CCDC88A: variants seen among roughly 807,000 people sequenced by gnomAD.
The protein encoded by CCDC88A is coiled-coil and HOOK domain protein 88A.
Under a neutral mutation model 234.3 loss-of-function variants are expected in CCDC88A, and 54 were observed. That is an observed-to-expected ratio of 0.23 (90% CI 0.19 to 0.29). The LOEUF (loss-of-function observed/expected upper bound fraction) is 0.29. Ranked by LOEUF, CCDC88A falls within the 10% of genes least tolerant of loss-of-function variation. The pLI is 1.00. For missense variants in CCDC88A, 1,832 were observed against 2,123.4 expected, an observed-to-expected ratio of 0.86 and a Z score of 2.70; for synonymous variants, 753 against 737.8, an observed-to-expected ratio of 1.02 and a Z score of -0.33.
intron 3 of CCDC88A, among the ~76,000 whole-genome samples, chr2:55,383,654 A>C (rs1558785514): frequency 6.6e-6 from 1 of 151,656 alleles, no homozygotes; most frequent in Non-Finnish European, 1.5e-5. Flanking sequence ...GAAATACTAA[A>C]ATACTAAATA....
chr2:55,403,336 C>T (rs754617664), intron 2 of CCDC88A: 1 of 152,216 alleles, frequency 6.6e-6, no homozygotes, highest in Non-Finnish European at 1.5e-5. Context: ...TATGCAAGAA[C>T]ATTATGTATG....
chr2:55,371,866 C>T (rs530910775), intron 5 of CCDC88A, among the ~76,000 whole-genome samples: 1 of 152,064 alleles, frequency 6.6e-6, no homozygotes, highest in African/African-American at 2.4e-5. Context: ...TTACCCTACC[C>T]AATCTCCTGA....
chr2:55,418,983 C>A (rs1403008592), intron 1 of CCDC88A, 34 bp downstream of exon 1: 2 of 1,602,548 alleles, frequency 1.2e-6, no homozygotes, highest in South Asian at 1.1e-5. Flanking sequence ...ACAAATAACT[C>A]AGCAAAATAT....
At chr2:55,367,806 C>A (rs3099078) in intron 5 of CCDC88A, among the ~76,000 whole-genome samples, 1 of 151,354 alleles carries the variant, frequency 6.6e-6, no homozygotes, top group Non-Finnish European at 1.5e-5. Context: ...CAAATACTAA[C>A]GGTAGATTCC....
rs1431197979 is a variant in CCDC88A at position 55,317,359 on chromosome 2, A to G, written c.3603-10T>C. 2.1e-6 allele frequency: 3 copies of G among 1,461,252 alleles called. No homozygotes were observed. The highest frequency in any genetic ancestry group is 2.7e-6 in the Non-Finnish European group (3 of 1,101,932). The allele number at this position is 1,461,252 out of a possible 1,614,324, so 90.5% of individuals were successfully genotyped here. On this transcript the variant is annotated splice_polypyrimidine_tract_variant and intron_variant, in intron 20 of 32. Coordinates refer to ENST00000436346, the MANE Select transcript of CCDC88A (RefSeq NM_001365480.1). This position sits in a 1 kb window ranked among gnomAD's most constrained non-coding sequence, Gnocchi z 4.2. ...TAATAACTGATTGTAACTGGGGGGA[A>G]AAAAGGCATTTGGTTTATAATATTT...
At chr2:55,362,679 T>C (rs1671473619) in intron 6 of CCDC88A, among the ~76,000 whole-genome samples, 1 of 151,902 alleles carries the variant, frequency 6.6e-6, no homozygotes, top group Non-Finnish European at 1.5e-5. Context: ...TCAACAAAAA[T>C]AAAATATTAA....
rs753891870 is a variant in CCDC88A at position 55,299,874 on chromosome 2, T to C, written c.4790A>G (p.Asn1597Ser). The change falls in exon 29 of 33, where the codon AAT (asparagine) becomes AGT (serine). Residue 1597 changes from asparagine to serine, a missense_variant. This residue lies in a region of CCDC88A where 422 missense variants were observed against 416.5 expected (regional missense o/e 1.01). Coordinates refer to ENST00000436346, the MANE Select transcript of CCDC88A (RefSeq NM_001365480.1). ...ATGTAGTGAAGCATTATTATTGCTA[T>C]TGCTAGTGGATGTTCTGCCACTATC... The part of the protein sequence containing the change: ...SLDSGRTSTS[N>S]SNNNASLHEV... 25 of 1,613,452 alleles carry C rather than the reference T, an allele frequency of 1.5e-5. No individual in the cohort carries two copies. The highest frequency in any genetic ancestry group is 1.9e-5 in the Non-Finnish European group (22 of 1,179,606).
chr2:55,351,516 T>C (rs1669883851), intron 8 of CCDC88A, among the ~76,000 whole-genome samples: 1 of 152,056 alleles, frequency 6.6e-6, no homozygotes. Flanking sequence ...CCCTAATTTT[T>C]AAAAATTATT....
chr2:55,344,713 A>AC, intron 10 of CCDC88A, among the ~76,000 whole-genome samples, 199 bp from the exon 11 acceptor site: 1 of 152,154 alleles, frequency 6.6e-6, no homozygotes, highest in Non-Finnish European at 1.5e-5. Context: ...AGTTCTTAAG[A>AC]TATATAATAC....
chr2:55,369,449 CTTTT>C (rs10587591), intron 5 of CCDC88A, among the ~76,000 whole-genome samples: 51,057 of 124,858 alleles, frequency 0.41, 9,677 homozygotes, highest in East Asian at 0.79. Context: ...TTCAACCACA[CTTTT>C]TTTTTTTTTT....
intron 7 of CCDC88A, among the ~76,000 whole-genome samples, chr2:55,361,283 G>A (rs191361767): frequency 6.6e-6 from 1 of 152,094 alleles, no homozygotes; most frequent in Admixed American, 6.5e-5. Flanking sequence ...TAAAAAATCT[G>A]ATTGAAAATG....
intron 31 of CCDC88A, chr2:55,295,151 A>G: frequency 7.7e-7 from 1 of 1,307,078 alleles, no homozygotes; most frequent in Non-Finnish European, 1.0e-6. Flanking sequence ...AGAGGCATGC[A>G]GAAGTGACAA....
intron 5 of CCDC88A, among the ~76,000 whole-genome samples, chr2:55,369,698 C>A (rs1672548533): frequency 6.6e-6 from 1 of 152,068 alleles, no homozygotes; most frequent in South Asian, 2.1e-4. Context: ...CTCAAATGAT[C>A]CACCCACCAC....
Position 55,334,258 on chromosome 2 carries a change from T to C in CCDC88A, c.2563A>G (p.Asn855Asp). Residue 855 changes from asparagine (N) to aspartate (D), a missense_variant, in exon 15 of 33, where the codon AAT (asparagine) becomes GAT (aspartate). Physicochemically the swap from Asn to Asp is conservative, Grantham distance 23 (BLOSUM62 1). Around this residue, in one of 6 missense-constraint regions of CCDC88A, gnomAD observed 1,282 missense variants for 1,543.6 expected, o/e 0.83. Coordinates refer to ENST00000436346, the MANE Select transcript of CCDC88A (RefSeq NM_001365480.1). The surrounding 1 kb of genome is among the most constrained non-coding windows in gnomAD (Gnocchi z 6.1). The part of the protein sequence containing the change: ...AEIKDTTLEE[N>D]NVKIGNLEKE... ...TCCAAATTTCCAATCTTCACATTAT[T>C]TTCTTCTAATGTGGTATCTTTAATT... 6.9e-7 allele frequency: 1 copy of C among 1,439,858 alleles called. No homozygotes were observed. The highest frequency in any genetic ancestry group is 9.1e-7 in the Non-Finnish European group (1 of 1,099,754). The allele number at this position is 1,439,858 out of a possible 1,614,324, so 89.2% of individuals were successfully genotyped here.
At chr2:55,301,569 A>G (rs1449343562) in intron 27 of CCDC88A, 1 of 511,944 alleles carries the variant, frequency 2.0e-6, no homozygotes, top group Non-Finnish European at 3.4e-6. Context: ...TGGAAGTTGT[A>G]GTGCTTTTAG....
At chr2:55,329,739 G>A (rs1441232253) in intron 16 of CCDC88A, 1 of 152,158 alleles carries the variant, frequency 6.6e-6, no homozygotes, top group Non-Finnish European at 1.5e-5. Context: ...AGACAAGAGT[G>A]ATCACCTCTG....
intron 31 of CCDC88A, chr2:55,294,726 T>C (rs1679818642): frequency 1.0e-6 from 1 of 990,408 alleles, no homozygotes; most frequent in Admixed American, 5.9e-5. Context: ...AAATGTCTTC[T>C]TGGTAAGAGA....
At chr2:55,369,301 G>C (rs527722185) in intron 5 of CCDC88A, among the ~76,000 whole-genome samples, 46 of 152,234 alleles carry the variant, frequency 3.0e-4, no homozygotes, top group African/African-American at 9.9e-4. Flanking sequence ...CCCAAGTGCT[G>C]AGATTACAGG....
At chr2:55,363,866 G>T in intron 6 of CCDC88A, 84 bp downstream of exon 6, 5 of 664,516 alleles carry the variant, frequency 7.5e-6, no homozygotes, top group South Asian at 6.3e-5. Context: ...CTTATTCTAT[G>T]ACTTTGAAGT....
Sources: gnomAD v4.1 joint callset for allele counts (sites outside exome capture counted in the v4.1 genomes callset) on GRCh38, gnomAD v4.1.1 for gene constraint, gnomAD v4.1.1 regional missense constraint, Gnocchi (gnomAD v3.1) non-coding constraint, MANE v1.5 for transcripts, NCBI Gene and HGNC (gene_info 2026-07-23, HGNC 2026-07-21) for gene names.